EXT2: variants seen among roughly 807,000 people sequenced by gnomAD.
The protein encoded by EXT2 is exostosin glycosyltransferase 2.
Under a neutral mutation model 81.6 loss-of-function variants are expected in EXT2, and 53 were observed. That is an observed-to-expected ratio of 0.65 (90% CI 0.52 to 0.82). The LOEUF is 0.82. Among genes scored for constraint, EXT2 ranks in the 40% least tolerant of loss-of-function variants. The pLI is 0.00. For synonymous variants in EXT2, 320 were observed against 340.0 expected, an observed-to-expected ratio of 0.94 and a Z score of 0.65; for missense variants, 774 against 910.2, an observed-to-expected ratio of 0.85 and a Z score of 1.93.
At chr11:44,135,244 A>G (rs1954548576) in intron 7 of EXT2, among the ~76,000 whole-genome samples, 1 of 152,218 alleles carries the variant, frequency 6.6e-6, no homozygotes, top group South Asian at 2.1e-4. Context: ...CTACTTGCAT[A>G]CAATTTCAAC....
chr11:44,105,111 C>T (rs778285393), intron 1 of EXT2, among the ~76,000 whole-genome samples: 14 of 152,218 alleles, frequency 9.2e-5, no homozygotes, highest in Admixed American at 3.3e-4. Flanking sequence ...TGGCAATACT[C>T]AGCTCGCTAG....
At chr11:44,159,569 C>T (rs879391699) in intron 7 of EXT2, among the ~76,000 whole-genome samples, 2 of 152,084 alleles carry the variant, frequency 1.3e-5, no homozygotes, top group Non-Finnish European at 1.5e-5. Flanking sequence ...TCCATTAGAA[C>T]CTTTAGCATA....
In EXT2 at chr11:44,247,704, G is replaced by C. The variant is rs1025779502; in HGVS notation, c.*3417G>C. Among the ~76,000 whole-genome samples the C allele has an allele frequency of 6.6e-6, 1 of 152,180 alleles. No homozygotes were observed. The highest frequency in any genetic ancestry group is 6.5e-5 in the Admixed American group (1 of 15,284). On this transcript the variant is annotated 3_prime_UTR_variant, in exon 14 of 14. Coordinates refer to ENST00000533608, the MANE Select transcript of EXT2 (RefSeq NM_207122.2). ...TTGGAAAATAGTGACCATCATGCTG[G>C]TCTGTGCTGACGCAGACTGGGAGCT...
intron 8 of EXT2, among the ~76,000 whole-genome samples, chr11:44,179,715 G>A (rs184507967): frequency 2.0e-3 from 299 of 152,162 alleles, no homozygotes; most frequent in Non-Finnish European, 3.4e-3. Flanking sequence ...TTTTGTTTCC[G>A]TTTCTAATAT....
chr11:44,156,109 T>G (rs929089963), intron 7 of EXT2, among the ~76,000 whole-genome samples: 1 of 152,198 alleles, frequency 6.6e-6, no homozygotes. Flanking sequence ...TTTGAGCTCC[T>G]TTATATGTTA....
At chr11:44,110,315 G>GA (rs1459448840) in intron 3 of EXT2, among the ~76,000 whole-genome samples, 1 of 152,164 alleles carries the variant, frequency 6.6e-6, no homozygotes, top group Non-Finnish European at 1.5e-5. Context: ...TTTCTGTCTG[G>GA]AAATATAATT....
At chr11:44,180,968 G>A (rs1010522792) in intron 8 of EXT2, among the ~76,000 whole-genome samples, 1 of 152,106 alleles carries the variant, frequency 6.6e-6, no homozygotes, top group Non-Finnish European at 1.5e-5. Flanking sequence ...GGGCATGATG[G>A]TGTGTGCCTG....
rs142006509 is a variant in EXT2, at chr11:44,159,346, CTT to C, written c.1174-12257_1174-12256del. Among the ~76,000 whole-genome samples, 841 of 150,458 alleles carry C rather than the reference CTT, an allele frequency of 5.6e-3. 13 individuals are homozygous for C. The highest frequency in any genetic ancestry group is 0.019 in the African/African-American group (797 of 41,062). Reference sequence around the variant, plus strand: ...GAGATCCTGTTTTGTTTTCTTCAGTCTTTTTTTTTCTGTGCTTTTCAGGTTTG... The same window carrying C: ...GAGATCCTGTTTTGTTTTCTTCAGTCTTTTTTTCTGTGCTTTTCAGGTTTG... On this transcript the variant is annotated intron_variant, in intron 7 of 13. Transcript: ENST00000533608.
Position 44,197,871 on chromosome 11 carries a change from C to T in EXT2, c.1348C>T (p.Pro450Ser). 2 of 1,614,058 alleles carry T rather than the reference C, an allele frequency of 1.2e-6. No individual in the cohort carries two copies. The highest frequency in any genetic ancestry group is 8.5e-7 in the Non-Finnish European group (1 of 1,179,954). ...VSNPLFLPLI[P>S]PQSQGFTAIV... ...CAATCCACTCTTCCTCCCGCTGATC[C>T]CACCACAGTCTCAAGGGTTCACCGC... is the stretch of plus-strand genomic sequence containing the variant. The change falls in exon 9 of 14, where the codon CCA becomes TCA. Residue 450 changes from proline (P) to serine (S), a missense_variant. By Grantham distance (74) the Pro-to-Ser change is moderately conservative. Coordinates refer to ENST00000533608, the MANE Select transcript of EXT2 (RefSeq NM_207122.2).
chr11:44,151,684 C>A (rs1284547242), intron 7 of EXT2, among the ~76,000 whole-genome samples: 1 of 152,100 alleles, frequency 6.6e-6, no homozygotes. Context: ...CATCTGTGTG[C>A]AGGTTTTCGA....
chr11:44,170,475 T>C (rs1441900590), intron 7 of EXT2, among the ~76,000 whole-genome samples: 1 of 151,922 alleles, frequency 6.6e-6, no homozygotes. Context: ...GAACAAAAAC[T>C]AGCAAAATAG....
chr11:44,106,683 G>A (rs1430381694), intron 1 of EXT2, among the ~76,000 whole-genome samples: 1 of 152,166 alleles, frequency 6.6e-6, no homozygotes, highest in Non-Finnish European at 1.5e-5. Flanking sequence ...GGGCTGGAGT[G>A]CAGTGGCACG....
rs574204502 is a variant in EXT2, at chr11:44,102,560, G to A, written c.-30-5123G>A. 2.4e-3 allele frequency among the ~76,000 whole-genome samples: 338 copies of A among 139,646 alleles called. 1 individual carries two copies. Among genetic ancestry groups the A allele is most frequent in the Admixed American group, 4.4e-3 (59 of 13,316 alleles). 91.6% of individuals were successfully genotyped at this position (139,646 alleles called of 152,430 possible). A position where few individuals can be genotyped will look rare whatever the true frequency, so the allele number is the denominator to read the frequency against. On this transcript the variant is annotated intron_variant, in intron 1 of 13. Coordinates refer to ENST00000533608, the MANE Select transcript of EXT2 (RefSeq NM_207122.2). Reference sequence around the variant, plus strand: ...TTTTTTTTTTTTTTTTTTTTTGCACGGGGTCGGGGGTATGAGGGGAGTCAA... The same window carrying A: ...TTTTTTTTTTTTTTTTTTTTTGCACAGGGTCGGGGGTATGAGGGGAGTCAA...
At chr11:44,181,170 G>A (rs1417678492) in intron 8 of EXT2, among the ~76,000 whole-genome samples, 2 of 151,998 alleles carry the variant, frequency 1.3e-5, no homozygotes, top group African/African-American at 4.8e-5. Flanking sequence ...AATTCTGGTT[G>A]AGGTGGGTTT....
intron 10 of EXT2, among the ~76,000 whole-genome samples, chr11:44,227,434 C>T (rs4423172): frequency 0.036 from 5,452 of 152,282 alleles, 274 homozygotes; most frequent in African/African-American, 0.11. Context: ...TAAAGGACAT[C>T]AGAATTCACT....
At chr11:44,188,614 G>A (rs1249457046) in intron 8 of EXT2, among the ~76,000 whole-genome samples, 1 of 152,194 alleles carries the variant, frequency 6.6e-6, no homozygotes, top group Non-Finnish European at 1.5e-5. Context: ...TAAATTAAGT[G>A]TCTGAGGACA....
At position 44,234,110 on chromosome 11, in the gene EXT2, G is replaced by A. The variant is rs2135262777; in HGVS notation, c.1807-5G>A. 1.9e-6 allele frequency: 3 copies of A among 1,614,002 alleles called. No individual in the cohort carries two copies. The highest frequency in any genetic ancestry group is 2.5e-6 in the Non-Finnish European group (3 of 1,179,934). ...AATATTTCTTCTTTCTGTCTCACTT[G>A]ACAGTATTTTAATTACCTGTATACC... On this transcript the variant is annotated splice_polypyrimidine_tract_variant and splice_region_variant and intron_variant, in intron 11 of 13. Coordinates refer to ENST00000533608, the MANE Select transcript of EXT2 (RefSeq NM_207122.2).
chr11:44,144,227 G>T (rs2135064666), intron 7 of EXT2: 1 of 1,592,102 alleles, frequency 6.3e-7, no homozygotes, highest in Non-Finnish European at 8.5e-7. Flanking sequence ...TTGATTAAAG[G>T]TTTCCAATTC....
intron 4 of EXT2, among the ~76,000 whole-genome samples, 181 bp downstream of exon 4, chr11:44,114,482 C>A (rs1954193889): frequency 6.6e-6 from 1 of 152,190 alleles, no homozygotes; most frequent in East Asian, 1.9e-4. Flanking sequence ...TTTTCTCTGT[C>A]TCCTTAAATT....
Sources: gnomAD v4.1 joint callset for allele counts (sites outside exome capture counted in the v4.1 genomes callset) on GRCh38, gnomAD v4.1.1 for gene constraint, MANE v1.5 for transcripts, NCBI Gene and HGNC (gene_info 2026-07-23, HGNC 2026-07-21) for gene names.